Variants in CDH8 observed in about 807,000 individuals in gnomAD.
CDH8 encodes the protein cadherin 8.
CDH8 carries 17 observed loss-of-function variants against 68.1 expected under a neutral mutation model. The ratio of observed to expected loss-of-function variants is 0.25; its 90% confidence interval spans 0.17 to 0.37. The LOEUF is 0.37. Ranked by LOEUF, CDH8 falls within the 10% of genes least tolerant of loss-of-function variation. The probability of loss-of-function intolerance (pLI) is 1.00; values close to 1 mark genes in which losing one functional copy is unlikely to be tolerated. For missense variants in CDH8, 763 were observed against 999.3 expected (o/e 0.76, Z 3.19); for synonymous variants, 372 against 365.1 (o/e 1.02, Z -0.21).
rs1963278935 is a variant in CDH8 at position 61,649,751 on chromosome 16, C to T, written c.*3857G>A. 6.6e-6 allele frequency: 1 copy of T among 152,052 alleles called. No individual in the cohort carries two copies. Among genetic ancestry groups the T allele is most frequent in the African/African-American group, 2.4e-5 (1 of 41,428 alleles). The allele number at this position is 152,052 out of a possible 1,614,324, so 9.4% of individuals were successfully genotyped here. ...ACAACTTGTTGGAAGGGCCTACTTG[C>T]CTTCAGTCCTTATGTGGCTATAAAG... On this transcript the variant is annotated 3_prime_UTR_variant, in exon 12 of 12. Coordinates refer to ENST00000577390, the MANE Select transcript of CDH8 (RefSeq NM_001796.5).
At chr16:61,754,615 T>C (rs2142954931) in intron 8 of CDH8, among the ~76,000 whole-genome samples, 1 of 152,274 alleles carries the variant, frequency 6.6e-6, no homozygotes, top group East Asian at 1.9e-4. Context: ...GGATATCCAT[T>C]ATCTCAAATA....
intron 2 of CDH8, among the ~76,000 whole-genome samples, chr16:62,005,019 G>T (rs192794432): frequency 5.9e-5 from 9 of 152,294 alleles, no homozygotes; most frequent in Admixed American, 3.9e-4. Flanking sequence ...GCTTTCTTCT[G>T]CTACCTCAAA....
chr16:61,818,646 C>T (rs982468372), intron 6 of CDH8, among the ~76,000 whole-genome samples: 52 of 152,148 alleles, frequency 3.4e-4, no homozygotes, highest in Non-Finnish European at 4.4e-5. Flanking sequence ...AGCCAGAAGC[C>T]CACGTGCATT....
At chr16:62,010,732 A>C (rs946231118) in intron 2 of CDH8, among the ~76,000 whole-genome samples, 1 of 152,168 alleles carries the variant, frequency 6.6e-6, no homozygotes, top group Admixed American at 6.5e-5. Context: ...TGAGGTTGGC[A>C]GTTCGAGACC....
At chr16:61,847,240 A>T (rs577929358) in intron 4 of CDH8, among the ~76,000 whole-genome samples, 1 of 152,164 alleles carries the variant, frequency 6.6e-6, no homozygotes, top group Non-Finnish European at 1.5e-5. Context: ...TGCAATGCAT[A>T]GTGAGGAAAC....
At chr16:61,768,429 C>T (rs201388783) in intron 8 of CDH8, among the ~76,000 whole-genome samples, 1,813 of 68,544 alleles carry the variant, frequency 0.026, 43 homozygotes, top group Middle Eastern at 0.041. Flanking sequence ...TCTCTCTCTC[C>T]CTCTCCCTCT....
At chr16:61,767,451 C>T (rs1479037716) in intron 8 of CDH8, among the ~76,000 whole-genome samples, 2 of 151,866 alleles carry the variant, frequency 1.3e-5, no homozygotes, top group East Asian at 3.9e-4. Flanking sequence ...TAATACCAGC[C>T]ATGGACCATT....
chr16:61,697,979 T>C (rs1214033286), intron 10 of CDH8, among the ~76,000 whole-genome samples: 1 of 152,218 alleles, frequency 6.6e-6, no homozygotes, highest in Non-Finnish European at 1.5e-5. Context: ...TTTTTTATTA[T>C]TTGGATCAAT....
chr16:62,014,171 T>C (rs1901883012), intron 2 of CDH8, among the ~76,000 whole-genome samples: 1 of 152,210 alleles, frequency 6.6e-6, no homozygotes, highest in African/African-American at 2.4e-5. Context: ...TGCATGTGTG[T>C]GCATGTGTAG....
chr16:62,006,449 C>T (rs1249837072), intron 2 of CDH8, among the ~76,000 whole-genome samples: 1 of 152,122 alleles, frequency 6.6e-6, no homozygotes, highest in Non-Finnish European at 1.5e-5. Context: ...CTAAATTTCT[C>T]TGAACCTATT....
chr16:61,818,764 A>G (rs1467521848), intron 6 of CDH8, among the ~76,000 whole-genome samples: 2 of 152,190 alleles, frequency 1.3e-5, no homozygotes, highest in African/African-American at 2.4e-5. Flanking sequence ...CAAATTTCTC[A>G]TAAGAAATAG....
intron 2 of CDH8, among the ~76,000 whole-genome samples, chr16:61,972,945 G>T (rs1459979163): frequency 6.6e-6 from 1 of 152,142 alleles, no homozygotes; most frequent in African/African-American, 2.4e-5. Flanking sequence ...AAACAGAGTT[G>T]ATTCTGACTT....
intron 9 of CDH8, chr16:61,714,372 A>G (rs1035994518): frequency 1.6e-5 from 3 of 191,008 alleles, no homozygotes; most frequent in Non-Finnish European, 3.2e-5. Flanking sequence ...TTGAATCCTC[A>G]CAACTCTTTT....
At chr16:62,017,608 G>A (rs1288475262) in intron 2 of CDH8, among the ~76,000 whole-genome samples, 5 of 152,180 alleles carry the variant, frequency 3.3e-5, no homozygotes, top group Admixed American at 1.3e-4. Context: ...CTGGGAGATC[G>A]AGGCTTCAGT....
chr16:61,762,256 T>C (rs1404618725), intron 8 of CDH8, among the ~76,000 whole-genome samples: 1 of 152,170 alleles, frequency 6.6e-6, no homozygotes, highest in Non-Finnish European at 1.5e-5. Context: ...CTGAATAAAC[T>C]GGGTAGACTG....
rs1183853095 is a variant in CDH8 at position 61,653,098 on chromosome 16, C to T, written c.*510G>A. The T allele has an allele frequency of 2.6e-5, 33 of 1,255,490 alleles. No individual in the cohort carries two copies. The highest frequency in any genetic ancestry group is 3.2e-5 in the Non-Finnish European group (32 of 1,001,082). The allele number at this position is 1,255,490 out of a possible 1,614,324, so 77.8% of individuals were successfully genotyped here. ...GTACTGTATAATCTAGGAGGCCTCTCAAAACTCCAAAAAGTTATAATGTAC... is the reference window on the plus strand; with the variant it reads ...GTACTGTATAATCTAGGAGGCCTCTTAAAACTCCAAAAAGTTATAATGTAC... On this transcript the variant is annotated 3_prime_UTR_variant, in exon 12 of 12. Transcript: ENST00000577390.
At chr16:61,993,698 T>A (rs925537279) in intron 2 of CDH8, among the ~76,000 whole-genome samples, 1 of 152,192 alleles carries the variant, frequency 6.6e-6, no homozygotes, top group South Asian at 2.1e-4. Context: ...ACTACTGTTA[T>A]CAAGTTATAT....
At position 61,652,158 on chromosome 16, in the gene CDH8, T is replaced by G. The variant is rs1405433259; in HGVS notation, c.*1450A>C. On this transcript the variant is annotated 3_prime_UTR_variant, in exon 12 of 12. Transcript: ENST00000577390. ...TAATACTTGAGTTTTATCATACATT[T>G]TCTACTCCTAAATGGCAGGTTTGCA... 5.1e-6 allele frequency: 5 copies of G among 982,244 alleles called. No homozygotes were observed. Among genetic ancestry groups the G allele is most frequent in the Non-Finnish European group, 6.0e-6 (5 of 827,030 alleles). The allele number at this position is 982,244 out of a possible 1,614,324, so 60.8% of individuals were successfully genotyped here.
At chr16:61,893,725 G>A (rs1376388438) in intron 3 of CDH8, among the ~76,000 whole-genome samples, 1 of 151,990 alleles carries the variant, frequency 6.6e-6, no homozygotes, top group Admixed American at 6.6e-5. Context: ...TCAGCCCCAA[G>A]GACACATCGT....
Sources: gnomAD v4.1 joint callset for allele counts (sites outside exome capture counted in the v4.1 genomes callset) on GRCh38, gnomAD v4.1.1 for gene constraint, MANE v1.5 for transcripts, NCBI Gene and HGNC (gene_info 2026-07-23, HGNC 2026-07-21) for gene names.